PTPRR: variants seen among roughly 807,000 people sequenced by gnomAD.
The protein encoded by PTPRR is receptor-type tyrosine-protein phosphatase R.
PTPRR carries 38 observed loss-of-function variants against 77.2 expected under a neutral mutation model. That is an observed-to-expected ratio of 0.49 (90% CI 0.38 to 0.65). The LOEUF (loss-of-function observed/expected upper bound fraction) is 0.65, where lower values mean the gene tolerates loss of function less well. PTPRR is among the 30% of genes least tolerant of loss of function. The pLI is 0.00. For missense variants in PTPRR, 744 were observed against 799.2 expected (o/e 0.93, Z 0.83); for synonymous variants, 299 against 283.1 (o/e 1.06, Z -0.57).
At chr12:70,657,875 G>A (rs557515215) in intron 12 of PTPRR, among the ~76,000 whole-genome samples, 5 of 152,126 alleles carry the variant, frequency 3.3e-5, no homozygotes, top group South Asian at 2.1e-4. Flanking sequence ...CTGTAATCAC[G>A]TTTTCAACAT....
At position 70,883,184 on chromosome 12, in the gene PTPRR, C is replaced by T. The variant is rs547304949; in HGVS notation, c.357+9495G>A. Among the ~76,000 whole-genome samples the T allele has an allele frequency of 3.9e-5, 6 of 152,212 alleles. No individual in the cohort carries two copies. In the South Asian group the frequency reaches 1.2e-3, roughly 32 times the overall value. ...GCTGAGGCAGGAGAATCGCTTGAAC[C>T]CAGAAGGTGAAGGTTGCAGTGAGCT... On this transcript the variant is annotated intron_variant, in intron 2 of 13. Coordinates refer to ENST00000283228, the MANE Select transcript of PTPRR (RefSeq NM_002849.4).
intron 2 of PTPRR, among the ~76,000 whole-genome samples, chr12:70,767,600 G>T (rs1890859806): frequency 6.6e-6 from 1 of 152,120 alleles, no homozygotes; most frequent in Non-Finnish European, 1.5e-5. Flanking sequence ...ACATTAGACA[G>T]ATCAACGAGA....
chr12:70,733,489 A>T (rs1442157067), intron 6 of PTPRR, among the ~76,000 whole-genome samples: 1 of 131,862 alleles, frequency 7.6e-6, no homozygotes, highest in Non-Finnish European at 1.6e-5. Context: ...AAAGAAAAAA[A>T]AAGAAAAAAA....
intron 2 of PTPRR, among the ~76,000 whole-genome samples, chr12:70,869,632 A>G (rs1212716182): frequency 6.6e-6 from 1 of 152,194 alleles, no homozygotes; most frequent in Non-Finnish European, 1.5e-5. Flanking sequence ...TAGGCCCAAT[A>G]TAATCACTGG....
At chr12:70,685,897 G>T (rs185653939) in intron 8 of PTPRR, among the ~76,000 whole-genome samples, 1 of 152,212 alleles carries the variant, frequency 6.6e-6, no homozygotes, top group East Asian at 1.9e-4. Flanking sequence ...TAAATAATTT[G>T]CCCAAAGGTA....
chr12:70,718,445 T>G (rs1413798103), intron 6 of PTPRR, among the ~76,000 whole-genome samples: 2 of 152,152 alleles, frequency 1.3e-5, no homozygotes, highest in African/African-American at 2.4e-5. Flanking sequence ...TTTTGTATTT[T>G]TAGTAGAGAC....
intron 2 of PTPRR, among the ~76,000 whole-genome samples, chr12:70,859,199 G>A (rs964470293): frequency 6.6e-6 from 1 of 152,008 alleles, no homozygotes; most frequent in Non-Finnish European, 1.5e-5. Flanking sequence ...GGGGAGAAGA[G>A]AATAAGATAT....
intron 10 of PTPRR, among the ~76,000 whole-genome samples, chr12:70,673,769 T>C (rs1324461312): frequency 6.6e-6 from 1 of 152,186 alleles, no homozygotes; most frequent in Non-Finnish European, 1.5e-5. Context: ...ATCTACGAAA[T>C]GGTGCTAAAT....
intron 6 of PTPRR, among the ~76,000 whole-genome samples, chr12:70,719,827 CG>C: frequency 6.6e-6 from 1 of 152,212 alleles, no homozygotes; most frequent in East Asian, 1.9e-4. Flanking sequence ...AGGATTGGTA[CG>C]TGGCCCTTTC....
intron 2 of PTPRR, among the ~76,000 whole-genome samples, chr12:70,847,046 GT>G (rs944872447): frequency 2.0e-5 from 3 of 152,134 alleles, no homozygotes; most frequent in Non-Finnish European, 2.9e-5. Flanking sequence ...CTGACATCTT[GT>G]GAAACTCAAT....
intron 2 of PTPRR, among the ~76,000 whole-genome samples, chr12:70,876,910 C>T (rs1893061331): frequency 6.6e-6 from 1 of 152,100 alleles, no homozygotes; most frequent in South Asian, 2.1e-4. Flanking sequence ...TTGGGTAGCA[C>T]ATTCTGGCTG....
At chr12:70,763,870 A>G (rs1245299119) in intron 3 of PTPRR, among the ~76,000 whole-genome samples, 1 of 152,098 alleles carries the variant, frequency 6.6e-6, no homozygotes, top group African/African-American at 2.4e-5. Context: ...GCTCACGCCC[A>G]CTTTCCAGTG....
chr12:70,698,370 A>G, intron 7 of PTPRR, 21 bp from the exon 8 acceptor site: 1 of 1,593,304 alleles, frequency 6.3e-7, no homozygotes, highest in Non-Finnish European at 8.6e-7. Flanking sequence ...AAATAATATC[A>G]AATTAGTGTA....
At chr12:70,691,548 G>A (rs1305151722) in intron 8 of PTPRR, among the ~76,000 whole-genome samples, 2 of 151,996 alleles carry the variant, frequency 1.3e-5, no homozygotes, top group African/African-American at 4.8e-5. Context: ...ACATACTTCA[G>A]ACCAGCCCGG....
At chr12:70,889,705 T>C (rs1487192924) in intron 2 of PTPRR, among the ~76,000 whole-genome samples, 1 of 152,006 alleles carries the variant, frequency 6.6e-6, no homozygotes, top group Non-Finnish European at 1.5e-5. Context: ...AAAAACTGCC[T>C]CTGTATCCTC....
intron 2 of PTPRR, among the ~76,000 whole-genome samples, chr12:70,799,713 G>C (rs1202683404): frequency 1.3e-5 from 2 of 152,142 alleles, no homozygotes; most frequent in Non-Finnish European, 2.9e-5. Flanking sequence ...CTAAATGTTT[G>C]ATGTGCAAAT....
intron 12 of PTPRR, among the ~76,000 whole-genome samples, chr12:70,658,883 GTTTTTTTTTTTT>G (rs746595856): frequency 1.9e-4 from 7 of 36,938 alleles, no homozygotes; most frequent in East Asian, 8.1e-4. Flanking sequence ...TTTTGCTCTA[GTTTTTTTTTTTT>G]TTTTTTTTTT....
intron 2 of PTPRR, among the ~76,000 whole-genome samples, chr12:70,774,270 A>G (rs1222597041): frequency 6.6e-6 from 1 of 152,170 alleles, no homozygotes; most frequent in Non-Finnish European, 1.5e-5. Flanking sequence ...TTTGGAGCCA[A>G]TTGTCTATGC....
At chr12:70,876,629 G>A (rs1893056575) in intron 2 of PTPRR, among the ~76,000 whole-genome samples, 1 of 152,162 alleles carries the variant, frequency 6.6e-6, no homozygotes, top group Non-Finnish European at 1.5e-5. Flanking sequence ...ATCCCTACAT[G>A]AGTGTAAGCT....
Sources: gnomAD v4.1 joint callset for allele counts (sites outside exome capture counted in the v4.1 genomes callset) on GRCh38, gnomAD v4.1.1 for gene constraint, MANE v1.5 for transcripts, NCBI Gene and HGNC (gene_info 2026-07-23, HGNC 2026-07-21) for gene names.